The following HPCAL1 variants were observed in gnomAD, a reference collection of about 807,000 sequenced individuals.
The protein encoded by HPCAL1 is hippocalcin-like protein 1.
HPCAL1 carries 8 observed loss-of-function variants against 17.1 expected under a neutral mutation model. The observed-to-expected ratio is 0.47, with a 90% CI of 0.27 to 0.84. The LOEUF (loss-of-function observed/expected upper bound fraction) is 0.84. HPCAL1 is among the 40% of genes least tolerant of loss of function. The pLI, the probability that HPCAL1 is intolerant of heterozygous loss-of-function variation, is 0.13. For synonymous variants in HPCAL1, 112 were observed against 111.4 expected (o/e 1.01, Z -0.03); for missense variants, 165 against 271.1 (o/e 0.61, Z 2.75).
chr2:10,422,837 T>G, intron 3 of HPCAL1, 146 bp from the exon 4 acceptor site: 1 of 616,366 alleles, frequency 1.6e-6, no homozygotes, highest in Non-Finnish European at 3.0e-6. Context: ...CTAGGGAACA[T>G]TCTCCCCACT....
chr2:10,320,572 A>G (rs1663613738), intron 1 of HPCAL1, among the ~76,000 whole-genome samples: 1 of 152,136 alleles, frequency 6.6e-6, no homozygotes, highest in Admixed American at 6.5e-5. Context: ...TTTCTTTATA[A>G]ATTACCCAGT....
intron 1 of HPCAL1, among the ~76,000 whole-genome samples, chr2:10,349,270 G>A (rs1378947733): frequency 3.3e-5 from 5 of 152,056 alleles, no homozygotes; most frequent in African/African-American, 1.2e-4. Flanking sequence ...GAGGTAAGAA[G>A]GAGACAAAAA....
chr2:10,386,393 G>T (rs942643299), intron 1 of HPCAL1, among the ~76,000 whole-genome samples: 1 of 152,174 alleles, frequency 6.6e-6, no homozygotes, highest in Non-Finnish European at 1.5e-5. Flanking sequence ...TTTGGTTGTT[G>T]TTTCAGCACT....
intron 1 of HPCAL1, among the ~76,000 whole-genome samples, chr2:10,388,580 G>C (rs1668479152): frequency 2.6e-5 from 4 of 152,322 alleles, no homozygotes; most frequent in Admixed American, 2.6e-4. Flanking sequence ...GCTGCCCCCA[G>C]GTCCAGGGAC....
chr2:10,343,405 C>T lies in HPCAL1; in HGVS notation c.-111+40228C>T, dbSNP rs1665214279. 6.6e-6 allele frequency among the ~76,000 whole-genome samples: 1 copy of T among 152,234 alleles called. No homozygotes were observed. The highest frequency in any genetic ancestry group is 2.4e-5 in the African/African-American group (1 of 41,452). On this transcript the variant is annotated intron_variant, in intron 1 of 4. Transcript: ENST00000307845. The surrounding 1 kb of genome is among the most constrained non-coding windows in gnomAD (Gnocchi z 4.8). ...GTGAAGGACTGATAGCACCATATCT[C>T]CCTCCAGGACTCCCGGGTGGGAGGT...
At chr2:10,334,457 G>C (rs1448926797) in intron 1 of HPCAL1, among the ~76,000 whole-genome samples, 3 of 152,102 alleles carry the variant, frequency 2.0e-5, no homozygotes, top group Non-Finnish European at 4.4e-5. Context: ...ATAGTGAGCT[G>C]TGGTCACACC....
chr2:10,368,776 G>A (rs996154849), intron 1 of HPCAL1: 1 of 152,190 alleles, frequency 6.6e-6, no homozygotes, highest in African/African-American at 2.4e-5. Context: ...TGATGTGTGT[G>A]TTTACTGAGC....
chr2:10,357,836 G>GAA (rs112651247), intron 1 of HPCAL1, among the ~76,000 whole-genome samples: 238 of 147,550 alleles, frequency 1.6e-3, no homozygotes, highest in African/African-American at 4.4e-3. Flanking sequence ...CTTTAGGCAG[G>GAA]AAAAAAAAAA....
At chr2:10,321,816 C>T (rs1053175589) in intron 1 of HPCAL1, among the ~76,000 whole-genome samples, 4 of 152,154 alleles carry the variant, frequency 2.6e-5, no homozygotes, top group Admixed American at 6.5e-5. Context: ...CTGTAGATGG[C>T]GGAATAATAT....
rs6741475 is a variant in HPCAL1 at position 10,395,481 on chromosome 2, T to C, written c.-110-1354T>C. Among the ~76,000 whole-genome samples the C allele has an allele frequency of 0.58, 86,328 of 148,188 alleles. 25,092 individuals are homozygous for C. Among genetic ancestry groups the C allele is most frequent in the South Asian group, 0.67 (3,135 of 4,688 alleles). On this transcript the variant is annotated intron_variant, in intron 1 of 4. Transcript: ENST00000307845. The surrounding 1 kb of genome is among the most constrained non-coding windows in gnomAD (Gnocchi z 4.4). ...TCAGGGGGGTGGGTTGGTGGGTGGG[T>C]GGAAGGAGGGGAGAGGTGCAGCACC...
rs3771137 is a variant in HPCAL1 at position 10,404,658 on chromosome 2, G to A, written c.-25+7738G>A. ...CGGGCTCCTTTGCTGCCCCAGGGTC[G>A]GGCAGTTCTTGCATCTTGGACCGAG... On this transcript the variant is annotated intron_variant, in intron 2 of 4. Transcript: ENST00000307845. Among the ~76,000 whole-genome samples the A allele has an allele frequency of 2.0e-3, 299 of 152,274 alleles. 7 individuals carry two copies. The East Asian group carries it at 0.051, about 26-fold the overall frequency.
intron 1 of HPCAL1, among the ~76,000 whole-genome samples, chr2:10,355,450 CAAAAAAAAAAAAAAAA>C (rs34600690): frequency 6.2e-5 from 2 of 32,206 alleles, no homozygotes; most frequent in South Asian, 1.8e-3. Flanking sequence ...GACTCCGTCT[CAAAAAAAAAAAAAAAA>C]AAAAAAAAAA....
intron 2 of HPCAL1, among the ~76,000 whole-genome samples, chr2:10,409,777 C>CTTTCTTTT (rs1558527080): frequency 1.6e-5 from 1 of 62,506 alleles, no homozygotes; most frequent in Non-Finnish European, 2.8e-5. Flanking sequence ...GAGCCTCAGT[C>CTTTCTTTT]TTTTTTTTTT....
Position 10,354,585 on chromosome 2 carries a change from G to A in HPCAL1, c.-110-42250G>A, listed in dbSNP as rs1298420811. Reference sequence around the variant, plus strand: ...CAGGGCTCATCGCACAGCCATGGCCGAGGTGTCGGGACTCAAATTCCGGGC... The same window carrying A: ...CAGGGCTCATCGCACAGCCATGGCCAAGGTGTCGGGACTCAAATTCCGGGC... On this transcript the variant is annotated intron_variant, in intron 1 of 4. Transcript: ENST00000307845. The surrounding 1 kb of genome is among the most constrained non-coding windows in gnomAD (Gnocchi z 5.1). Among the ~76,000 whole-genome samples, 2 of 152,234 alleles carry A rather than the reference G, an allele frequency of 1.3e-5. No individual in the cohort carries two copies. The highest frequency in any genetic ancestry group is 2.9e-5 in the Non-Finnish European group (2 of 68,040).
At chr2:10,385,766 TC>T (rs1278638848) in intron 1 of HPCAL1, among the ~76,000 whole-genome samples, 4 of 152,224 alleles carry the variant, frequency 2.6e-5, no homozygotes, top group Non-Finnish European at 5.9e-5. Flanking sequence ...GATGACTTAT[TC>T]CTTCATCTGC....
chr2:10,318,738 G>A (rs10170689), intron 1 of HPCAL1, among the ~76,000 whole-genome samples: 7,359 of 152,244 alleles, frequency 0.048, 600 homozygotes, highest in African/African-American at 0.17. Context: ...GGAGGCTAAG[G>A]GCAGCCAAGA....
chr2:10,320,063 T>A (rs1232032681), intron 1 of HPCAL1, among the ~76,000 whole-genome samples: 3 of 152,010 alleles, frequency 2.0e-5, no homozygotes, highest in Admixed American at 6.6e-5. Flanking sequence ...CAGCTCCCAG[T>A]CTTGCTTGGG....
chr2:10,420,066 G>A lies in HPCAL1; in HGVS notation c.309G>A (p.Trp103Ter). ...SRGKLEQKLK[W>*]AFSMYDLDGN... ...GCAAGCTGGAGCAGAAGCTCAAGTGGGCCTTCAGCATGTACGACCTGGACG... is the reference window on the plus strand; with the variant it reads ...GCAAGCTGGAGCAGAAGCTCAAGTGAGCCTTCAGCATGTACGACCTGGACG... The change falls in exon 3 of 5, where the codon TGG becomes TGA. Residue 103 changes from tryptophan to a stop codon, truncating the protein, a stop_gained. Coordinates refer to ENST00000307845, the MANE Select transcript of HPCAL1 (RefSeq NM_002149.4). LOFTEE classifies it high-confidence loss of function. The A allele has an allele frequency of 6.2e-7, 1 of 1,613,842 alleles. No individual in the cohort carries two copies. Among genetic ancestry groups the A allele is most frequent in the Non-Finnish European group, 8.5e-7 (1 of 1,180,024 alleles).
intron 2 of HPCAL1, among the ~76,000 whole-genome samples, chr2:10,405,823 C>T (rs571496815): frequency 1.3e-5 from 2 of 152,188 alleles, no homozygotes; most frequent in Non-Finnish European, 2.9e-5. Context: ...GATGAAGGGG[C>T]GTCTAAAGCC....
Sources: gnomAD v4.1 joint callset for allele counts (sites outside exome capture counted in the v4.1 genomes callset) on GRCh38, gnomAD v4.1.1 for gene constraint, Gnocchi (gnomAD v3.1) non-coding constraint, MANE v1.5 for transcripts, NCBI Gene and HGNC (gene_info 2026-07-23, HGNC 2026-07-21) for gene names.